PRKN: variants seen among roughly 807,000 people sequenced by gnomAD.
The protein encoded by PRKN is E3 ubiquitin-protein ligase parkin.
In PRKN, 56 loss-of-function variants were observed where a neutral mutation model predicts 59.5. The ratio of observed to expected loss-of-function variants is 0.94; its 90% CI spans 0.76 to 1.18. PRKN has a LOEUF of 1.18. PRKN is among the 50% of genes most tolerant of loss of function. PRKN has a pLI of 0.00. For synonymous variants in PRKN, 250 were observed against 222.1 expected (o/e 1.13, Z -1.12); for missense variants, 657 against 596.4 (o/e 1.10, Z -1.06).
At chr6:161,949,310 A>G (rs2128245472) in intron 6 of PRKN, among the ~76,000 whole-genome samples, 1 of 152,304 alleles carries the variant, frequency 6.6e-6, no homozygotes, top group Non-Finnish European at 1.5e-5. Flanking sequence ...TCAGAGTTCG[A>G]GACCAGCCTG....
At chr6:161,984,688 G>A (rs959829914) in intron 5 of PRKN, among the ~76,000 whole-genome samples, 8 of 151,948 alleles carry the variant, frequency 5.3e-5, no homozygotes, top group African/African-American at 9.7e-5. Flanking sequence ...GACCTTAGGC[G>A]TTGTCCCCTA....
In PRKN at chr6:162,062,925, T is replaced by C. The variant is rs368273617; in HGVS notation, c.535-8751A>G. Among the ~76,000 whole-genome samples, 5 of 152,092 alleles carry C rather than the reference T, an allele frequency of 3.3e-5. No individual in the cohort carries two copies. In the East Asian group the frequency reaches 5.8e-4, roughly 18 times the overall value. ...TCAATAAAGTGGGTAAGGAAAACAA[T>C]GAACTGAGCAATTGACAAGGAAACT... On this transcript the variant is annotated intron_variant, in intron 4 of 11. Coordinates refer to ENST00000366898, the MANE Select transcript of PRKN (RefSeq NM_004562.3).
At chr6:161,842,845 G>A (rs1027033426) in intron 6 of PRKN, among the ~76,000 whole-genome samples, 12 of 152,130 alleles carry the variant, frequency 7.9e-5, no homozygotes, top group African/African-American at 2.4e-4. Context: ...ACTGCACCCC[G>A]CCTCTTCCTT....
intron 4 of PRKN, among the ~76,000 whole-genome samples, chr6:162,153,367 G>A (rs186507460): frequency 6.6e-6 from 1 of 152,338 alleles, no homozygotes; most frequent in East Asian, 1.9e-4. Context: ...ATCATGTGTA[G>A]GCCCTGTGGC....
chr6:161,745,681 AG>A (rs1308630059), intron 7 of PRKN, among the ~76,000 whole-genome samples: 3 of 152,194 alleles, frequency 2.0e-5, no homozygotes, highest in Non-Finnish European at 4.4e-5. Flanking sequence ...GAAATCCAGT[AG>A]ACTTTCCAGA....
intron 10 of PRKN, among the ~76,000 whole-genome samples, chr6:161,374,702 T>TG (rs1785611552): frequency 5.4e-4 from 1 of 1,862 alleles, no homozygotes; most frequent in African/African-American, 2.3e-3. Flanking sequence ...GATGTGTGCG[T>TG]TATGTTTATG....
rs537223812 is a variant in PRKN, at chr6:162,285,291, T to C, written c.172-22526A>G. Among the ~76,000 whole-genome samples the C allele has an allele frequency of 5.0e-4, 70 of 140,712 alleles. 1 individual carries two copies. In the South Asian group the frequency reaches 0.012, roughly 23 times the overall value. The allele number at this position is 140,712 out of a possible 152,430, so 92.3% of individuals were successfully genotyped here. Reference sequence around the variant, plus strand: ...ATTTTTTTTTTTTTTTTTTTTTTTTTCCGAGAGGGCCTCTGGCATATACTC... The same window carrying C: ...ATTTTTTTTTTTTTTTTTTTTTTTTCCCGAGAGGGCCTCTGGCATATACTC... On this transcript the variant is annotated intron_variant, in intron 2 of 11. Transcript: ENST00000366898.
chr6:162,179,252 C>A (rs140465922), intron 4 of PRKN, among the ~76,000 whole-genome samples: 2 of 152,174 alleles, frequency 1.3e-5, no homozygotes, highest in Admixed American at 6.5e-5. Flanking sequence ...TCTATTTGAG[C>A]CTATATTTCT....
chr6:162,092,037 A>G (rs1388554483), intron 4 of PRKN, among the ~76,000 whole-genome samples: 3 of 152,142 alleles, frequency 2.0e-5, no homozygotes, highest in African/African-American at 7.2e-5. Context: ...TTCTGTCTCA[A>G]AGAAAAGAAA....
intron 1 of PRKN, among the ~76,000 whole-genome samples, chr6:162,567,046 T>C (rs1768051851): frequency 6.6e-6 from 1 of 152,170 alleles, no homozygotes; most frequent in Non-Finnish European, 1.5e-5. Context: ...AAAAAGCATT[T>C]AATAAAATTC....
In PRKN at chr6:161,396,462, C is replaced by T. The variant is rs548476643; in HGVS notation, c.1084-9585G>A. The stretch of plus-strand genomic sequence containing the variant: ...CAGTTGGCTCCTTCTAGAACTGGAG[C>T]ACTGGTCACAGAGTATCAAATTCAA... On this transcript the variant is annotated intron_variant, in intron 9 of 11. Transcript: ENST00000366898. The surrounding 1 kb of genome is among the most constrained non-coding windows in gnomAD (Gnocchi z 5.4). 1.3e-5 allele frequency among the ~76,000 whole-genome samples: 2 copies of T among 152,174 alleles called. No homozygotes were observed. Among genetic ancestry groups the T allele is most frequent in the South Asian group, 2.1e-4 (1 of 4,834 alleles).
At position 162,216,662 on chromosome 6, in the gene PRKN, C is replaced by T. The variant is rs553919497; in HGVS notation, c.413-15410G>A. ...TGTGATCTAGTTAGACTCTCACAGACGGTGTCTGGGAAGCTCCATCATTGG... is the reference window on the plus strand; with the variant it reads ...TGTGATCTAGTTAGACTCTCACAGATGGTGTCTGGGAAGCTCCATCATTGG... On this transcript the variant is annotated intron_variant, in intron 3 of 11. Coordinates refer to ENST00000366898, the MANE Select transcript of PRKN (RefSeq NM_004562.3). Among the ~76,000 whole-genome samples the T allele has an allele frequency of 1.1e-4, 16 of 151,378 alleles. No homozygotes were observed. The South Asian group carries it at 2.3e-3, about 22-fold the overall frequency.
chr6:162,132,511 T>C (rs144687886), intron 4 of PRKN, among the ~76,000 whole-genome samples: 15 of 152,314 alleles, frequency 9.8e-5, no homozygotes, highest in Middle Eastern at 3.4e-3. Flanking sequence ...ATGGACATAA[T>C]AACTATCTTA....
At chr6:162,458,974 C>T (rs1033259624) in intron 1 of PRKN, among the ~76,000 whole-genome samples, 4 of 152,066 alleles carry the variant, frequency 2.6e-5, no homozygotes, top group African/African-American at 4.8e-5. Context: ...GCATGCACCA[C>T]CACACCTGGC....
chr6:161,897,235 C>G (rs1388305722), intron 6 of PRKN, among the ~76,000 whole-genome samples: 1 of 152,222 alleles, frequency 6.6e-6, no homozygotes, highest in Admixed American at 6.5e-5. Flanking sequence ...GCCCAGAAGC[C>G]TGAATCTGTT....
intron 1 of PRKN, among the ~76,000 whole-genome samples, chr6:162,661,932 G>C (rs935935762): frequency 6.6e-5 from 10 of 152,108 alleles, no homozygotes; most frequent in African/African-American, 2.2e-4. Context: ...CTTGAACAGT[G>C]ACCACTGTAC....
rs1777893345 is a variant in PRKN at position 162,056,957 on chromosome 6, C to A, written c.535-2783G>T. 6.6e-6 allele frequency among the ~76,000 whole-genome samples: 1 copy of A among 152,160 alleles called. No individual in the cohort carries two copies. Among genetic ancestry groups the A allele is most frequent in the African/African-American group, 2.4e-5 (1 of 41,436 alleles). On this transcript the variant is annotated intron_variant, in intron 4 of 11. Coordinates refer to ENST00000366898, the MANE Select transcript of PRKN (RefSeq NM_004562.3). This position sits in a 1 kb window ranked among gnomAD's most constrained non-coding sequence, Gnocchi z 4.9. ...TTTCCTCTAAACTCCTCCCCCTGGG[C>A]CTTTTCCCCTCGCTTCATATCCTTT...
intron 2 of PRKN, among the ~76,000 whole-genome samples, chr6:162,331,017 C>T (rs529246988): frequency 6.6e-6 from 1 of 152,194 alleles, no homozygotes; most frequent in South Asian, 2.1e-4. Context: ...GGTTTTCCAT[C>T]ACTCTATTAC....
chr6:161,680,775 A>ATTTTTTTTTTTTTTT (rs869253616), intron 7 of PRKN, among the ~76,000 whole-genome samples: 3 of 30,636 alleles, frequency 9.8e-5, no homozygotes, highest in African/African-American at 3.5e-4. Context: ...ATATATATAT[A>ATTTTTTTTTTTTTTT]TTTTTTTTTT....
Sources: gnomAD v4.1 joint callset for allele counts (sites outside exome capture counted in the v4.1 genomes callset) on GRCh38, gnomAD v4.1.1 for gene constraint, Gnocchi (gnomAD v3.1) non-coding constraint, MANE v1.5 for transcripts, NCBI Gene and HGNC (gene_info 2026-07-23, HGNC 2026-07-21) for gene names.